The following SWT1 variants were observed in gnomAD, a reference collection of about 807,000 sequenced individuals.
SWT1 encodes the protein transcriptional protein SWT1.
A neutral mutation model predicts 107.3 loss-of-function variants in SWT1; 33 were observed. That is an observed-to-expected ratio of 0.31 (90% confidence interval 0.23 to 0.41). The LOEUF (loss-of-function observed/expected upper bound fraction) is 0.41. Among genes scored for constraint, SWT1 ranks in the 10% least tolerant of loss-of-function variants. The probability of loss-of-function intolerance (pLI) is 1.00; values close to 1 mark genes in which losing one functional copy is unlikely to be tolerated. For missense variants in SWT1, 898 were observed against 1,028.9 expected (o/e 0.87, Z 1.74); for synonymous variants, 345 against 348.3 (o/e 0.99, Z 0.11).
At chr1:185,201,236 A>G (rs1467753227) in intron 10 of SWT1, among the ~76,000 whole-genome samples, 1 of 152,064 alleles carries the variant, frequency 6.6e-6, no homozygotes, top group East Asian at 1.9e-4. Context: ...CTGTGGCTTC[A>G]GTGCCCACTT....
intron 1 of SWT1, among the ~76,000 whole-genome samples, chr1:185,158,259 A>C (rs141554582): frequency 6.6e-6 from 1 of 152,050 alleles, no homozygotes; most frequent in Non-Finnish European, 1.5e-5. Flanking sequence ...AGAAGTATAT[A>C]TCTGGAGGGG....
intron 5 of SWT1, among the ~76,000 whole-genome samples, chr1:185,178,403 A>G (rs1401552108): frequency 6.6e-6 from 1 of 152,210 alleles, no homozygotes; most frequent in African/African-American, 2.4e-5. Context: ...GAAGAGAGCC[A>G]CTGAACCACA....
intron 13 of SWT1, among the ~76,000 whole-genome samples, chr1:185,207,632 T>C (rs1251117656): frequency 6.6e-6 from 1 of 152,232 alleles, no homozygotes; most frequent in Non-Finnish European, 1.5e-5. Flanking sequence ...CTGGGCATGG[T>C]GGCTCATGCC....
chr1:185,178,665 C>A (rs1034354215), intron 5 of SWT1, among the ~76,000 whole-genome samples: 4 of 151,816 alleles, frequency 2.6e-5, no homozygotes, highest in Non-Finnish European at 5.9e-5. Context: ...GTAATAGTAA[C>A]CAAAGGAAGA....
At chr1:185,157,780 G>A (rs186315943) in intron 1 of SWT1, among the ~76,000 whole-genome samples, 4 of 152,296 alleles carry the variant, frequency 2.6e-5, no homozygotes, top group African/African-American at 7.2e-5. Context: ...ATTTTGCTTT[G>A]TTTTCAGGCT....
intron 18 of SWT1, among the ~76,000 whole-genome samples, chr1:185,289,548 A>G (rs181054112): frequency 1.8e-3 from 275 of 152,356 alleles, no homozygotes; most frequent in Middle Eastern, 0.014. Context: ...TCAAAAAGAT[A>G]TCTGCACTCC....
intron 16 of SWT1, among the ~76,000 whole-genome samples, chr1:185,236,319 T>C (rs1660871596): frequency 6.6e-6 from 1 of 152,130 alleles, no homozygotes; most frequent in Non-Finnish European, 1.5e-5. Context: ...CTTCAAACCA[T>C]ACTAGAAGGC....
chr1:185,174,459 T>C lies in SWT1; in HGVS notation c.312T>C (p.Tyr104=), dbSNP rs2102345240. ...QRPIKLKEAS[Y]SNDNQIILQS... ...CTATTAAACTCAAAGAAGCATCATA[T>C]TCAAATGATAATCAAATTATTTTGC... Residue 104 remains tyrosine, a synonymous_variant, in exon 5 of 19, where the codon TAT becomes TAC. Coordinates refer to ENST00000367500, the MANE Select transcript of SWT1 (RefSeq NM_017673.7). The C allele has an allele frequency of 1.2e-6, 2 of 1,610,798 alleles. No homozygotes were observed. Among genetic ancestry groups the C allele is most frequent in the Non-Finnish European group, 1.7e-6 (2 of 1,179,068 alleles).
intron 16 of SWT1, among the ~76,000 whole-genome samples, chr1:185,258,685 T>G (rs1662800905): frequency 6.6e-6 from 1 of 152,174 alleles, no homozygotes; most frequent in Admixed American, 6.5e-5. Context: ...TGTCAACATG[T>G]TGCTTTTTTT....
intron 16 of SWT1, among the ~76,000 whole-genome samples, chr1:185,247,861 A>G (rs957733190): frequency 1.3e-5 from 2 of 152,118 alleles, no homozygotes; most frequent in African/African-American, 4.8e-5. Context: ...TGCTTCTAGA[A>G]GTGTTTTTTT....
At chr1:185,267,253 C>T (rs909599865) in intron 16 of SWT1, among the ~76,000 whole-genome samples, 9 of 152,164 alleles carry the variant, frequency 5.9e-5, no homozygotes, top group East Asian at 1.9e-4. Flanking sequence ...TTACTTAATT[C>T]GAACGGTAAC....
At chr1:185,271,527 AG>A (rs1219219266) in intron 17 of SWT1, 138 bp downstream of exon 17, 3 of 571,040 alleles carry the variant, frequency 5.3e-6, no homozygotes, top group Admixed American at 3.4e-5. Context: ...ATGCCATAAA[AG>A]TTTGTCAGTG....
Position 185,220,929 on chromosome 1 carries a change from A to G in SWT1, c.2122-920A>G, listed in dbSNP as rs563900178. 8.5e-5 allele frequency among the ~76,000 whole-genome samples: 13 copies of G among 152,348 alleles called. No individual in the cohort carries two copies. In the South Asian group the frequency reaches 2.1e-3, roughly 24 times the overall value. ...TATTTCCATCAATTCCTGTATATGT[A>G]TGTGAGACGTATTGCTTCCGAGTAT... On this transcript the variant is annotated intron_variant, in intron 14 of 18. Transcript: ENST00000367500.
At chr1:185,260,978 A>G (rs1405941894) in intron 16 of SWT1, among the ~76,000 whole-genome samples, 1 of 152,142 alleles carries the variant, frequency 6.6e-6, no homozygotes, top group Non-Finnish European at 1.5e-5. Flanking sequence ...TTCCTTCCTT[A>G]AAATAATGTT....
At chr1:185,272,001 G>T (rs1663900327) in intron 17 of SWT1, among the ~76,000 whole-genome samples, 1 of 152,208 alleles carries the variant, frequency 6.6e-6, no homozygotes, top group African/African-American at 2.4e-5. Context: ...AACACTGCAG[G>T]ATGTTTAACA....
At position 185,251,704 on chromosome 1, in the gene SWT1, A is replaced by G. The variant is rs546083018; in HGVS notation, c.2442-19619A>G. Among the ~76,000 whole-genome samples, 3 of 151,786 alleles carry G rather than the reference A, an allele frequency of 2.0e-5. No individual in the cohort carries two copies. In the East Asian group the frequency reaches 5.8e-4, roughly 29 times the overall value. ...TTTTTTCTTTGCTTTTTCATCAACC[A>G]TTTGGAGTCATTATTTTCTTTAGCT... is the stretch of plus-strand genomic sequence containing the variant. On this transcript the variant is annotated intron_variant, in intron 16 of 18. Coordinates refer to ENST00000367500, the MANE Select transcript of SWT1 (RefSeq NM_017673.7).
intron 18 of SWT1, chr1:185,280,897 T>C: frequency 2.1e-6 from 1 of 475,874 alleles, no homozygotes; most frequent in Non-Finnish European, 4.3e-6. Flanking sequence ...TGCTTCTCAG[T>C]GTGGTGGATC....
At chr1:185,266,191 A>G (rs539329617) in intron 16 of SWT1, among the ~76,000 whole-genome samples, 2 of 152,072 alleles carry the variant, frequency 1.3e-5, no homozygotes, top group East Asian at 1.9e-4. Flanking sequence ...AGCCTCCTGA[A>G]TAGCTGGGAC....
intron 15 of SWT1, among the ~76,000 whole-genome samples, chr1:185,224,391 T>G (rs531654877): frequency 1.3e-5 from 2 of 152,282 alleles, no homozygotes; most frequent in Admixed American, 6.5e-5. Context: ...TTTTTGGTTG[T>G]TTGTGGTATA....
Sources: gnomAD v4.1 joint callset for allele counts (sites outside exome capture counted in the v4.1 genomes callset) on GRCh38, gnomAD v4.1.1 for gene constraint, MANE v1.5 for transcripts, NCBI Gene and HGNC (gene_info 2026-07-23, HGNC 2026-07-21) for gene names.